FER1L5: variants seen among roughly 807,000 people sequenced by gnomAD.
FER1L5 encodes the protein fer-1 like family member 5.
FER1L5 carries 187 observed loss-of-function variants against 279.9 expected under a neutral mutation model. The ratio of observed to expected loss-of-function variants is 0.67; its 90% CI spans 0.59 to 0.75. The LOEUF (loss-of-function observed/expected upper bound fraction) is 0.75. Among genes scored for constraint, FER1L5 ranks in the 30% least tolerant of loss-of-function variants. FER1L5 has a pLI of 0.00. For missense variants in FER1L5, 2,091 were observed against 2,594.4 expected, an observed-to-expected ratio of 0.81 and a Z score of 4.21; for synonymous variants, 921 against 989.7, an observed-to-expected ratio of 0.93 and a Z score of 1.30.
chr2:96,689,828 G>A lies in FER1L5; in HGVS notation c.2640+70G>A. 2.3e-6 allele frequency: 3 copies of A among 1,329,610 alleles called. No homozygotes were observed. Among genetic ancestry groups the A allele is most frequent in the Non-Finnish European group, 3.1e-6 (3 of 978,004 alleles). The allele number at this position is 1,329,610 out of a possible 1,614,324, so 82.4% of individuals were successfully genotyped here. A position where few individuals can be genotyped will look rare whatever the true frequency, so the allele number is the denominator to read the frequency against. ...CACCAGGCGGGGCGCCTTGGAAGCT[G>A]GGGGTCCCAGTGGAAAGGGTCTGAG... is the stretch of plus-strand genomic sequence containing the variant. On this transcript the variant is annotated intron_variant, in intron 26 of 52. Transcript: ENST00000624922. This position sits in a 1 kb window ranked among gnomAD's most constrained non-coding sequence, Gnocchi z 4.6.
At chr2:96,653,561 T>G in intron 7 of FER1L5, 79 bp from the exon 8 acceptor site, 7 of 1,112,214 alleles carry the variant, frequency 6.3e-6, no homozygotes, top group African/African-American at 1.5e-5. Context: ...CACATTATTC[T>G]GAGCTTTCAG....
At chr2:96,673,039 G>T (rs1015752738) in intron 18 of FER1L5, 38 bp from the exon 19 acceptor site, 26 of 1,543,282 alleles carry the variant, frequency 1.7e-5, no homozygotes. Flanking sequence ...CTTGGCTTAT[G>T]TACTGGGTAT....
At chr2:96,649,040 G>C (rs1028521489) in intron 4 of FER1L5, among the ~76,000 whole-genome samples, 2 of 151,968 alleles carry the variant, frequency 1.3e-5, no homozygotes, top group Non-Finnish European at 2.9e-5. Context: ...TCACACGGTG[G>C]GGGGGTGGGG....
chr2:96,687,778 T>C, intron 23 of FER1L5, 38 bp from the exon 24 acceptor site: 1 of 1,547,600 alleles, frequency 6.5e-7, no homozygotes, highest in Non-Finnish European at 8.7e-7. Context: ...GTTCAGGGTG[T>C]TTAGTGCCCC....
intron 19 of FER1L5, among the ~76,000 whole-genome samples, chr2:96,682,126 G>A (rs2076752904): frequency 6.6e-6 from 1 of 150,940 alleles, no homozygotes; most frequent in African/African-American, 2.4e-5. Context: ...TGGCTCTGTT[G>A]CCCAGGCTGG....
At chr2:96,644,429 C>T (rs1167035877) in intron 1 of FER1L5, among the ~76,000 whole-genome samples, 2 of 151,524 alleles carry the variant, frequency 1.3e-5, no homozygotes, top group African/African-American at 2.4e-5. Context: ...TTGCAATGAG[C>T]CAAGATAGCG....
intron 17 of FER1L5, 129 bp downstream of exon 17, chr2:96,669,266 A>G (rs1197560326): frequency 3.4e-6 from 3 of 870,576 alleles, no homozygotes; most frequent in East Asian, 2.7e-5. Flanking sequence ...GGAGGACGTG[A>G]AGCCTGTCCA....
intron 14 of FER1L5, among the ~76,000 whole-genome samples, chr2:96,665,985 T>C (rs1452896566): frequency 6.6e-6 from 1 of 152,014 alleles, no homozygotes; most frequent in Non-Finnish European, 1.5e-5. Context: ...CAAACACCCC[T>C]GGAACCTCAT....
chr2:96,685,700 T>A (rs761403573), intron 21 of FER1L5, among the ~76,000 whole-genome samples: 87 of 151,992 alleles, frequency 5.7e-4, no homozygotes, highest in Non-Finnish European at 7.8e-4. Context: ...CAAGCCCACA[T>A]AGCCCCACCT....
At chr2:96,662,892 C>T (rs961519909) in intron 13 of FER1L5, among the ~76,000 whole-genome samples, 1 of 152,162 alleles carries the variant, frequency 6.6e-6, no homozygotes, top group Non-Finnish European at 1.5e-5. Flanking sequence ...TGGTTGGGTA[C>T]CCCCAAAGCT....
chr2:96,653,782 C>T, intron 8 of FER1L5, 80 bp downstream of exon 8: 2 of 1,107,816 alleles, frequency 1.8e-6, no homozygotes, highest in Non-Finnish European at 2.7e-6. Context: ...CTCCAGCCCC[C>T]ACCCTTAGAG....
rs1558906608 is a variant in FER1L5, at chr2:96,689,084, C to T, written c.2362-129C>T. ...CTCACCTGTGCAATGGGGACATGGC[C>T]CTTTCTTGCCTGGCTACCACATTTT... On this transcript the variant is annotated intron_variant, in intron 24 of 52. Coordinates refer to ENST00000624922, the MANE Select transcript of FER1L5 (RefSeq NM_001293083.2). The surrounding 1 kb of genome is among the most constrained non-coding windows in gnomAD (Gnocchi z 4.6). 3 of 1,131,374 alleles carry T rather than the reference C, an allele frequency of 2.7e-6. No homozygotes were observed. In the African/African-American group the frequency reaches 4.8e-5, roughly 18 times the overall value. The allele number at this position is 1,131,374 out of a possible 1,614,324, so 70.1% of individuals were successfully genotyped here.
chr2:96,668,609 C>A, intron 14 of FER1L5, 142 bp from the exon 15 acceptor site: 2 of 963,106 alleles, frequency 2.1e-6, no homozygotes, highest in South Asian at 1.4e-5. Context: ...CAAAATCCAG[C>A]TTTTCTATGA....
intron 23 of FER1L5, among the ~76,000 whole-genome samples, chr2:96,687,179 G>A (rs1457688981): frequency 1.3e-5 from 2 of 152,122 alleles, no homozygotes; most frequent in Non-Finnish European, 2.9e-5. Context: ...AGAAGGTGCC[G>A]CCTTGCCACC....
At position 96,691,678 on chromosome 2, in the gene FER1L5, C is replaced by A; in HGVS notation, c.3075+66C>A. 6.6e-7 allele frequency: 1 copy of A among 1,525,390 alleles called. No individual in the cohort carries two copies. The highest frequency in any genetic ancestry group is 1.3e-5 in the South Asian group (1 of 79,214). The allele number at this position is 1,525,390 out of a possible 1,614,324, so 94.5% of individuals were successfully genotyped here. On this transcript the variant is annotated intron_variant, in intron 29 of 52. Coordinates refer to ENST00000624922, the MANE Select transcript of FER1L5 (RefSeq NM_001293083.2). This position sits in a 1 kb window ranked among gnomAD's most constrained non-coding sequence, Gnocchi z 6.0. The stretch of plus-strand genomic sequence containing the variant: ...ACCTCCCAGAGAAGCCAGGGCCTGG[C>A]CTGGCTGGGGCGCTGACTGCGGAGG...
At chr2:96,659,465 CT>C (rs1225831962) in intron 9 of FER1L5, among the ~76,000 whole-genome samples, 1 of 25,416 alleles carries the variant, frequency 3.9e-5, no homozygotes, top group Non-Finnish European at 6.0e-5. Context: ...TTCTTTCTTT[CT>C]TTCTTTCTTT....
Position 96,704,125 on chromosome 2 carries a change from CT to C in FER1L5, c.5802-84del. On this transcript the variant is annotated intron_variant, in intron 51 of 52. Coordinates refer to ENST00000624922, the MANE Select transcript of FER1L5 (RefSeq NM_001293083.2). Reference sequence around the variant, plus strand: ...GACACTGTGCCTGGCCCAGTAGTTGCTTTTTTAAAAAAGAAAGCTCTTTGCA... The same window carrying C: ...GACACTGTGCCTGGCCCAGTAGTTGCTTTTTAAAAAAGAAAGCTCTTTGCA... 4.6e-6 allele frequency: 7 copies of C among 1,513,328 alleles called. No individual in the cohort carries two copies. In the South Asian group the frequency reaches 6.4e-5, roughly 14 times the overall value. The allele number at this position is 1,513,328 out of a possible 1,614,324, so 93.7% of individuals were successfully genotyped here.
chr2:96,686,087 G>A lies in FER1L5; in HGVS notation c.2043G>A (p.Trp681Ter). 6.4e-7 allele frequency: 1 copy of A among 1,551,448 alleles called. No homozygotes were observed. Among genetic ancestry groups the A allele is most frequent in the East Asian group, 2.4e-5 (1 of 40,920 alleles). The part of the protein sequence containing the change: ...PKDMVATAED[W>*]LYRLNTVLPE... ...ACATGGTGGCCACAGCGGAGGACTG[G>A]CTGTACCGCCTCAACACCGTGCTCC... is the stretch of plus-strand genomic sequence containing the variant. The change falls in exon 22 of 53, where the codon TGG becomes TGA. Residue 681 changes from tryptophan (W) to a stop codon, truncating the protein, a stop_gained. Coordinates refer to ENST00000624922, the MANE Select transcript of FER1L5 (RefSeq NM_001293083.2). LOFTEE classifies it high-confidence loss of function.
intron 19 of FER1L5, among the ~76,000 whole-genome samples, chr2:96,673,755 C>T (rs1444922585): frequency 1.3e-5 from 2 of 152,182 alleles, no homozygotes; most frequent in Admixed American, 6.5e-5. Context: ...CAGCAGCATC[C>T]GCATCACCTG....
Sources: allele counts gnomAD v4.1 joint callset (sites outside exome capture counted in the v4.1 genomes callset), GRCh38; gene constraint gnomAD v4.1.1; non-coding constraint Gnocchi (gnomAD v3.1); transcripts MANE v1.5; gene names NCBI Gene and HGNC (gene_info 2026-07-23, HGNC 2026-07-21).